PCDH15: variants seen among roughly 807,000 people sequenced by gnomAD.
PCDH15 encodes the protein protocadherin related 15.
A neutral mutation model predicts 178.5 loss-of-function variants in PCDH15; 129 were observed. That is an observed-to-expected ratio of 0.72 (90% CI 0.63 to 0.84). The LOEUF (loss-of-function observed/expected upper bound fraction) is 0.84, where lower values mean the gene tolerates loss of function less well. Among genes scored for constraint, PCDH15 ranks in the 40% least tolerant of loss-of-function variants. The pLI is 0.00. For missense variants in PCDH15, 2,230 were observed against 2,099.9 expected, an observed-to-expected ratio of 1.06 and a Z score of -1.21; for synonymous variants, 800 against 732.0, an observed-to-expected ratio of 1.09 and a Z score of -1.50.
intron 8 of PCDH15, 61 bp from the exon 9 acceptor site, chr10:54,236,992 A>C: frequency 7.3e-7 from 1 of 1,361,010 alleles, no homozygotes; most frequent in South Asian, 1.2e-5. Context: ...TGAAGGATTG[A>C]GACAGATGCT....
At chr10:54,313,458 T>C (rs1301551626) in intron 8 of PCDH15, among the ~76,000 whole-genome samples, 5 of 152,050 alleles carry the variant, frequency 3.3e-5, no homozygotes, top group Non-Finnish European at 5.9e-5. Flanking sequence ...GCCCATACTC[T>C]CTGAAAATAC....
chr10:54,697,498 T>C (rs1417502785), intron 1 of PCDH15, among the ~76,000 whole-genome samples: 1 of 147,456 alleles, frequency 6.8e-6, no homozygotes, highest in African/African-American at 2.5e-5. Flanking sequence ...TATATCGCTA[T>C]GCTTATTGAA....
intron 2 of PCDH15, among the ~76,000 whole-genome samples, chr10:55,534,284 A>G (rs1000380027): frequency 1.3e-5 from 2 of 152,072 alleles, no homozygotes; most frequent in African/African-American, 4.8e-5. Flanking sequence ...GTAAACAGAC[A>G]ACCTAAAGAA....
intron 2 of PCDH15, among the ~76,000 whole-genome samples, chr10:55,561,844 C>T (rs1842206691): frequency 6.6e-6 from 1 of 151,742 alleles, no homozygotes. Context: ...AAGAAAAGAA[C>T]CCAATATTAT....
chr10:55,553,028 T>G (rs1842028891), intron 2 of PCDH15, among the ~76,000 whole-genome samples: 1 of 151,624 alleles, frequency 6.6e-6, no homozygotes, highest in Non-Finnish European at 1.5e-5. Flanking sequence ...ATACATTAAT[T>G]GACTTACACA....
intron 1 of PCDH15, among the ~76,000 whole-genome samples, chr10:54,784,344 A>T (rs1950645461): frequency 6.6e-6 from 1 of 151,814 alleles, no homozygotes; most frequent in African/African-American, 2.4e-5. Context: ...TAATAAAAAA[A>T]AAAAAGCAAG....
chr10:55,545,340 A>G (rs1199994664), intron 2 of PCDH15, among the ~76,000 whole-genome samples: 3 of 150,718 alleles, frequency 2.0e-5, no homozygotes, highest in African/African-American at 7.3e-5. Context: ...CAGTGGTAGC[A>G]TCTTGGTTCA....
intron 2 of PCDH15, among the ~76,000 whole-genome samples, chr10:55,333,104 T>C (rs1844256475): frequency 6.6e-6 from 1 of 152,150 alleles, no homozygotes; most frequent in African/African-American, 2.4e-5. Context: ...AATAAAATAA[T>C]GTGGTAATTT....
intron 8 of PCDH15, among the ~76,000 whole-genome samples, chr10:54,251,249 A>C (rs1254496084): frequency 1.3e-5 from 2 of 152,182 alleles, no homozygotes; most frequent in African/African-American, 4.8e-5. Flanking sequence ...AAATAAATAT[A>C]GTTTACCAGG....
intron 3 of PCDH15, among the ~76,000 whole-genome samples, chr10:54,832,720 A>C (rs563902040): frequency 1.3e-5 from 2 of 152,342 alleles, no homozygotes; most frequent in South Asian, 4.1e-4. Flanking sequence ...ACTAATGGAA[A>C]AATGAGGACC....
intron 1 of PCDH15, among the ~76,000 whole-genome samples, chr10:55,280,559 G>C (rs948863208): frequency 1.3e-5 from 2 of 150,768 alleles, no homozygotes; most frequent in African/African-American, 4.9e-5. Flanking sequence ...AAAGTGCTGG[G>C]ATTACAGGCG....
chr10:53,809,664 A>G, intron 37 of PCDH15: 2 of 954,004 alleles, frequency 2.1e-6, no homozygotes, highest in South Asian at 1.6e-5. Flanking sequence ...CATGTTATAT[A>G]ACTGGCTTAA....
chr10:55,465,203 G>A (rs1009569625), intron 2 of PCDH15, among the ~76,000 whole-genome samples: 1 of 152,172 alleles, frequency 6.6e-6, no homozygotes, highest in East Asian at 1.9e-4. Flanking sequence ...TGCAGGGTAG[G>A]CTAACAGGCT....
intron 3 of PCDH15, among the ~76,000 whole-genome samples, chr10:54,517,236 A>G (rs150617876): frequency 0.023 from 3,448 of 152,278 alleles, 125 homozygotes; most frequent in African/African-American, 0.078. Context: ...TAAATGGGCT[A>G]AATGCTCCAA....
chr10:53,997,986 T>A (rs2091935433), intron 20 of PCDH15, among the ~76,000 whole-genome samples: 1 of 152,198 alleles, frequency 6.6e-6, no homozygotes, highest in South Asian at 2.1e-4. Context: ...TGTATTGAAA[T>A]GCAATTCCAA....
chr10:54,507,172 T>G (rs2081243808), intron 3 of PCDH15, among the ~76,000 whole-genome samples: 1 of 151,924 alleles, frequency 6.6e-6, no homozygotes, highest in Non-Finnish European at 1.5e-5. Context: ...TGCACTTTAC[T>G]CTACGCAAGC....
intron 3 of PCDH15, among the ~76,000 whole-genome samples, chr10:54,520,666 G>A (rs1160337154): frequency 1.3e-5 from 2 of 151,540 alleles, no homozygotes; most frequent in Non-Finnish European, 2.9e-5. Context: ...CGATTCCTCA[G>A]GGATCTAGAA....
At chr10:54,319,351 A>C (rs2061454687) in intron 7 of PCDH15, among the ~76,000 whole-genome samples, 1 of 152,234 alleles carries the variant, frequency 6.6e-6, no homozygotes, top group Non-Finnish European at 1.5e-5. Flanking sequence ...TCAAGCATAA[A>C]AAGAAATGAA....
At chr10:55,532,735 G>A (rs1386752180) in intron 2 of PCDH15, among the ~76,000 whole-genome samples, 1 of 152,030 alleles carries the variant, frequency 6.6e-6, no homozygotes, top group Non-Finnish European at 1.5e-5. Context: ...ATGGGAACAG[G>A]TGTTTGGCTG....
Sources: allele counts gnomAD v4.1 joint callset (sites outside exome capture counted in the v4.1 genomes callset), GRCh38; gene constraint gnomAD v4.1.1; transcripts MANE v1.5; gene names NCBI Gene and HGNC (gene_info 2026-07-23, HGNC 2026-07-21).